The following ADAM23 variants were observed in gnomAD, a reference collection of about 807,000 sequenced individuals.
The protein encoded by ADAM23 is ADAM metallopeptidase domain 23, also known as disintegrin and metalloproteinase domain-containing protein 23.
Under a neutral mutation model 120.1 loss-of-function variants are expected in ADAM23, and 33 were observed. That is an observed-to-expected ratio of 0.27 (90% CI 0.21 to 0.37). ADAM23 has a LOEUF of 0.37. Among genes scored for constraint, ADAM23 ranks in the 10% least tolerant of loss-of-function variants. ADAM23 has a pLI of 1.00. For missense variants in ADAM23, 862 were observed against 1,058.2 expected, an observed-to-expected ratio of 0.81 and a Z score of 2.57; for synonymous variants, 367 against 375.2, an observed-to-expected ratio of 0.98 and a Z score of 0.25.
chr2:206,513,064 C>G (rs1696658864), intron 3 of ADAM23, among the ~76,000 whole-genome samples: 1 of 152,146 alleles, frequency 6.6e-6, no homozygotes, highest in Non-Finnish European at 1.5e-5. Flanking sequence ...CTCTCCCTCT[C>G]TGGCCTCCTT....
At chr2:206,492,646 A>G (rs1646310402) in intron 3 of ADAM23, among the ~76,000 whole-genome samples, 1 of 152,158 alleles carries the variant, frequency 6.6e-6, no homozygotes, top group African/African-American at 2.4e-5. Context: ...CAGAAGAGCC[A>G]TATGGAAGGG....
intron 2 of ADAM23, 129 bp downstream of exon 2, chr2:206,445,653 TA>T (rs1359756024): frequency 7.1e-5 from 54 of 762,564 alleles, no homozygotes; most frequent in Admixed American, 3.2e-4. Flanking sequence ...AATATTATGA[TA>T]GGGGAGAAAC....
chr2:206,486,737 C>A (rs1436701476), intron 3 of ADAM23, among the ~76,000 whole-genome samples: 1 of 152,122 alleles, frequency 6.6e-6, no homozygotes, highest in Non-Finnish European at 1.5e-5. Flanking sequence ...CCACGACCGT[C>A]ATCACCTATC....
Position 206,532,309 on chromosome 2 carries a change from C to CT in ADAM23, c.573+1362dup, listed in dbSNP as rs1381910734. ...ACAGAAACCTGATCCAGACTTCTCACTAAGGCACTTAGTTACTTTTTTTTT... is the reference window on the plus strand; with the variant it reads ...ACAGAAACCTGATCCAGACTTCTCACTTAAGGCACTTAGTTACTTTTTTTTT... On this transcript the variant is annotated intron_variant, in intron 4 of 25. Coordinates refer to ENST00000264377, the MANE Select transcript of ADAM23 (RefSeq NM_003812.4). Among the ~76,000 whole-genome samples the CT allele has an allele frequency of 4.6e-5, 7 of 151,452 alleles. No homozygotes were observed. In the East Asian group the frequency reaches 5.8e-4, roughly 13 times the overall value.
At chr2:206,512,034 A>T (rs1343291053) in intron 3 of ADAM23, among the ~76,000 whole-genome samples, 1 of 152,202 alleles carries the variant, frequency 6.6e-6, no homozygotes, top group Admixed American at 6.5e-5. Flanking sequence ...GAGGTATTCA[A>T]CACTAGGTGC....
In ADAM23 at chr2:206,567,543, A is replaced by G. The variant is rs1237948837; in HGVS notation, c.1494+221A>G. 3.3e-5 allele frequency among the ~76,000 whole-genome samples: 5 copies of G among 152,212 alleles called. No homozygotes were observed. The South Asian group carries it at 6.2e-4, about 19-fold the overall frequency. Reference sequence around the variant, plus strand: ...TCTCAGTCTCTGGTGTTTCAGTGCTAGCTAGAACTCCCAAATCCTCCCTTC... The same window carrying G: ...TCTCAGTCTCTGGTGTTTCAGTGCTGGCTAGAACTCCCAAATCCTCCCTTC... On this transcript the variant is annotated intron_variant, in intron 15 of 25. Coordinates refer to ENST00000264377, the MANE Select transcript of ADAM23 (RefSeq NM_003812.4).
intron 2 of ADAM23, among the ~76,000 whole-genome samples, chr2:206,455,100 T>C (rs1394016015): frequency 6.6e-6 from 1 of 152,244 alleles, no homozygotes; most frequent in Non-Finnish European, 1.5e-5. Context: ...AGGTTCTCCA[T>C]GGGGGCTCTG....
At chr2:206,509,509 C>T (rs1358556458) in intron 3 of ADAM23, among the ~76,000 whole-genome samples, 1 of 152,002 alleles carries the variant, frequency 6.6e-6, no homozygotes, top group Non-Finnish European at 1.5e-5. Flanking sequence ...AGTGCAGTGG[C>T]TTGATCTTGG....
chr2:206,481,677 A>C (rs1040003314), intron 3 of ADAM23, among the ~76,000 whole-genome samples: 4 of 152,224 alleles, frequency 2.6e-5, no homozygotes, highest in African/African-American at 9.6e-5. Context: ...ACTCTTTATA[A>C]TGCAATTCGC....
rs1697297997 is a variant in ADAM23, at chr2:206,541,956, A to T, written c.574-96A>T. 4 of 1,244,256 alleles carry T rather than the reference A, an allele frequency of 3.2e-6. No homozygotes were observed. In the Admixed American group the frequency reaches 6.8e-5, roughly 21 times the overall value. 77.1% of individuals were successfully genotyped at this position (1,244,256 alleles called of 1,614,324 possible). ...AGGGTTATTAATACAGTGCACATATATGCCCATCCTTGCATTTCTTTTTGC... is the reference window on the plus strand; with the variant it reads ...AGGGTTATTAATACAGTGCACATATTTGCCCATCCTTGCATTTCTTTTTGC... On this transcript the variant is annotated intron_variant, in intron 4 of 25. Transcript: ENST00000264377.
At chr2:206,478,378 C>T (rs1695826573) in intron 2 of ADAM23, among the ~76,000 whole-genome samples, 1 of 151,968 alleles carries the variant, frequency 6.6e-6, no homozygotes, top group African/African-American at 2.4e-5. Context: ...AATATTAAAA[C>T]ATTCTTACTG....
At chr2:206,478,120 G>T (rs1367857508) in intron 2 of ADAM23, among the ~76,000 whole-genome samples, 1 of 151,798 alleles carries the variant, frequency 6.6e-6, no homozygotes, top group African/African-American at 2.4e-5. Flanking sequence ...GGGAAAAGTA[G>T]CACTTGTCAG....
At chr2:206,516,473 G>C (rs1696733129) in intron 3 of ADAM23, among the ~76,000 whole-genome samples, 1 of 152,048 alleles carries the variant, frequency 6.6e-6, no homozygotes, top group Non-Finnish European at 1.5e-5. Flanking sequence ...TGGAGGCTAG[G>C]AAGTCTAAGA....
intron 2 of ADAM23, among the ~76,000 whole-genome samples, chr2:206,451,848 A>T (rs144560487): frequency 1.3e-5 from 2 of 152,292 alleles, no homozygotes; most frequent in East Asian, 3.9e-4. Flanking sequence ...AAGTCAAGAG[A>T]TGAGCGCATA....
chr2:206,498,629 A>G (rs1297405115), intron 3 of ADAM23, among the ~76,000 whole-genome samples: 8 of 152,228 alleles, frequency 5.3e-5, no homozygotes, highest in Non-Finnish European at 1.2e-4. Context: ...AGCAATGGCA[A>G]CAAAAGCCAA....
chr2:206,456,970 T>G (rs2105855355), intron 2 of ADAM23, among the ~76,000 whole-genome samples: 2 of 152,332 alleles, frequency 1.3e-5, no homozygotes, highest in Middle Eastern at 6.8e-3. Flanking sequence ...CTTTGTGCTG[T>G]CTTTTAATTG....
At chr2:206,529,795 A>ATG (rs143634424) in intron 3 of ADAM23, among the ~76,000 whole-genome samples, 67 of 150,550 alleles carry the variant, frequency 4.5e-4, no homozygotes, top group African/African-American at 1.2e-3. Context: ...GAATGTTTAT[A>ATG]TGTGTGTGTG....
At chr2:206,568,883 A>AC (rs1265663141) in intron 15 of ADAM23, among the ~76,000 whole-genome samples, 1 of 152,210 alleles carries the variant, frequency 6.6e-6, no homozygotes, top group Non-Finnish European at 1.5e-5. Context: ...ATTAAGTGAC[A>AC]CTACGTAGTC....
At chr2:206,501,946 CAA>C (rs772878485) in intron 3 of ADAM23, among the ~76,000 whole-genome samples, 1 of 151,998 alleles carries the variant, frequency 6.6e-6, no homozygotes, top group Non-Finnish European at 1.5e-5. Context: ...TGCAGTAACA[CAA>C]ATATGTTTTT....
Sources: gnomAD v4.1 joint callset for allele counts (sites outside exome capture counted in the v4.1 genomes callset) on GRCh38, gnomAD v4.1.1 for gene constraint, MANE v1.5 for transcripts, NCBI Gene and HGNC (gene_info 2026-07-23, HGNC 2026-07-21) for gene names.